WNK1: variants seen among roughly 807,000 people sequenced by gnomAD.
The protein encoded by WNK1 is WNK lysine deficient protein kinase 1, also known as serine/threonine-protein kinase WNK1.
WNK1 carries 38 observed loss-of-function variants against 222.8 expected under a neutral mutation model. That is an observed-to-expected ratio of 0.17 (90% CI 0.13 to 0.22). WNK1 has a LOEUF of 0.22. Ranked by LOEUF, WNK1 falls within the 10% of genes least tolerant of loss-of-function variation. The probability of loss-of-function intolerance (pLI) is 1.00; values close to 1 mark genes in which losing one functional copy is unlikely to be tolerated. For missense variants in WNK1, 2,348 were observed against 2,918.4 expected, an observed-to-expected ratio of 0.80 and a Z score of 4.50; for synonymous variants, 1,090 against 1,092.9, an observed-to-expected ratio of 1.00 and a Z score of 0.05.
intron 26 of WNK1, chr12:901,511 T>G (rs1955256377): frequency 8.1e-7 from 1 of 1,236,830 alleles, no homozygotes; most frequent in Non-Finnish European, 1.1e-6. Context: ...TGTAGTTGTG[T>G]TCTGTCTCTT....
In WNK1 at chr12:884,130, C is replaced by T. The variant is rs1472734385; in HGVS notation, c.3731C>T (p.Thr1244Ile). 1 of 1,614,142 alleles carries T rather than the reference C, an allele frequency of 6.2e-7. No individual in the cohort carries two copies. The change falls in exon 18 of 28, where the codon ACC (threonine) becomes ATC (isoleucine). Residue 1244 changes from threonine to isoleucine, a missense_variant. Physicochemically the swap from Thr to Ile is moderately conservative, Grantham distance 89. Transcript: ENST00000315939. The surrounding 1 kb of genome is among the most constrained non-coding windows in gnomAD (Gnocchi z 5.6). Reference sequence around the variant, plus strand: ...GTTTGTTTTTGACCAGGCATTCCTACCAGTTCTTTAACTCAAGTTGTTCAT... The same window carrying T: ...GTTTGTTTTTGACCAGGCATTCCTATCAGTTCTTTAACTCAAGTTGTTCAT... ...SSMPQQIGIPTSSLTQVVHSA... is the reference protein window; with the variant it reads ...SSMPQQIGIPISSLTQVVHSA...
In WNK1 at chr12:857,181, T is replaced by G; in HGVS notation, c.1332T>G (p.Phe444Leu). 6.2e-7 allele frequency: 1 copy of G among 1,614,204 alleles called. No homozygotes were observed. The highest frequency in any genetic ancestry group is 8.5e-7 in the Non-Finnish European group (1 of 1,180,028). Residue 444 changes from phenylalanine (F) to leucine (L), a missense_variant, in exon 5 of 28, where the codon TTT (phenylalanine) becomes TTG (leucine). Physicochemically the swap from Phe to Leu is conservative, Grantham distance 22. Around this residue, in one of 13 missense-constraint regions of WNK1, gnomAD observed 37 missense variants for 102.8 expected, o/e 0.36. Transcript: ENST00000315939. ...RVTSGVKPASFDKVAIPEVKE... is the reference protein window; with the variant it reads ...RVTSGVKPASLDKVAIPEVKE... The stretch of plus-strand genomic sequence containing the variant: ...TTCAGGGGGTGAAGCCAGCCAGTTT[T>G]GACAAAGTAGCAATTCCTGAAGTGA...
intron 2 of WNK1, among the ~76,000 whole-genome samples, chr12:814,196 G>T (rs765283314): frequency 4.0e-5 from 6 of 151,498 alleles, no homozygotes; most frequent in African/African-American, 1.5e-4. Context: ...GGGCATGGTG[G>T]CGTGCACCTG....
chr12:778,321 T>C (rs750848841), intron 1 of WNK1, among the ~76,000 whole-genome samples: 10 of 152,050 alleles, frequency 6.6e-5, no homozygotes, highest in Admixed American at 1.3e-4. Flanking sequence ...AATTTTTTTT[T>C]CGTCTTTTCC....
intron 3 of WNK1, 90 bp from the exon 4 acceptor site, chr12:829,913 C>T (rs1948663885): frequency 7.7e-6 from 11 of 1,419,684 alleles, no homozygotes; most frequent in Non-Finnish European, 1.1e-5. Context: ...TTTCTTCTCT[C>T]TCACAGGTCA....
At chr12:898,482 CA>C (rs374726378) in intron 25 of WNK1, among the ~76,000 whole-genome samples, 17,154 of 76,754 alleles carry the variant, frequency 0.22, 903 homozygotes, top group East Asian at 0.46. Context: ...GACTCTGTCT[CA>C]AAAAAAAAAA....
At chr12:897,092 G>A (rs1954816652) in intron 24 of WNK1, among the ~76,000 whole-genome samples, 1 of 151,984 alleles carries the variant, frequency 6.6e-6, no homozygotes, top group South Asian at 2.1e-4. Context: ...ATAGCATATT[G>A]TATCACTATT....
intron 9 of WNK1, among the ~76,000 whole-genome samples, chr12:875,083 G>A (rs1477909366): frequency 2.0e-5 from 3 of 152,074 alleles, no homozygotes; most frequent in Admixed American, 2.0e-4. Flanking sequence ...AGAAAAATAG[G>A]GTACAAAAAC....
chr12:791,400 C>T (rs1428764408), intron 1 of WNK1, among the ~76,000 whole-genome samples: 3 of 151,888 alleles, frequency 2.0e-5, no homozygotes, highest in East Asian at 1.9e-4. Flanking sequence ...AAATAATGAT[C>T]GTAAAGTGCG....
chr12:889,142 C>T lies in WNK1; in HGVS notation c.5367C>T (p.Ser1789=). ...PPFPGPSLTQ[S]QQPLEDLDAQ... ...TTACTGTGATTGTTTTCATTCAGTC[C>T]CAGCAACCTCTAGAGGATCTTGATG... The change falls in exon 21 of 28, where the codon TCC becomes TCT. Residue 1789 remains serine, a splice_region_variant and synonymous_variant. Coordinates refer to ENST00000315939, the MANE Select transcript of WNK1 (RefSeq NM_018979.4). 1 of 1,613,884 alleles carries T rather than the reference C, an allele frequency of 6.2e-7. No individual in the cohort carries two copies. The highest frequency in any genetic ancestry group is 8.5e-7 in the Non-Finnish European group (1 of 1,179,888).
chr12:796,308 C>G (rs1197198350), intron 1 of WNK1, among the ~76,000 whole-genome samples: 3 of 152,042 alleles, frequency 2.0e-5, no homozygotes, highest in Non-Finnish European at 2.9e-5. Context: ...TTCTTAATTC[C>G]TTTATTCCAT....
In WNK1 at chr12:862,207, G is replaced by A; in HGVS notation, c.2076G>A (p.Gly692=). The A allele has an allele frequency of 1.2e-6, 2 of 1,614,056 alleles. No individual in the cohort carries two copies. Among genetic ancestry groups the A allele is most frequent in the African/African-American group, 1.3e-5 (1 of 75,002 alleles). Residue 692 remains glycine, a synonymous_variant, in exon 8 of 28, where the codon GGG becomes GGA. Coordinates refer to ENST00000315939, the MANE Select transcript of WNK1 (RefSeq NM_018979.4). The part of the protein sequence containing the change: ...EQAHSTGTVP[G]HIPSTVQAQS... Reference sequence around the variant, plus strand: ...CACATTCTACAGGCACAGTCCCAGGGCATATACCTTCTACTGTCCAAGCAC... The same window carrying A: ...CACATTCTACAGGCACAGTCCCAGGACATATACCTTCTACTGTCCAAGCAC...
intron 12 of WNK1, among the ~76,000 whole-genome samples, chr12:881,277 T>C (rs1474190664): frequency 1.3e-5 from 2 of 152,216 alleles, no homozygotes; most frequent in Non-Finnish European, 2.9e-5. Flanking sequence ...TTCTTGTCCT[T>C]TCACAAACTT....
At chr12:802,019 T>A (rs1427849832) in intron 1 of WNK1, among the ~76,000 whole-genome samples, 1 of 152,154 alleles carries the variant, frequency 6.6e-6, no homozygotes, top group Non-Finnish European at 1.5e-5. Flanking sequence ...TCACAGTTTT[T>A]CTGCATGTAA....
At chr12:810,663 G>C (rs1415806306) in intron 1 of WNK1, among the ~76,000 whole-genome samples, 1 of 152,056 alleles carries the variant, frequency 6.6e-6, no homozygotes, top group Non-Finnish European at 1.5e-5. Context: ...AAAATATGAG[G>C]GTAAAGAGAG....
At chr12:869,261 A>G in intron 8 of WNK1, 1 of 1,025,652 alleles carries the variant, frequency 9.7e-7, no homozygotes, top group South Asian at 1.5e-5. Flanking sequence ...TGTGAACTAC[A>G]TATATGCATT....
chr12:797,656 ACTAT>A (rs1945442053), intron 1 of WNK1, among the ~76,000 whole-genome samples: 1 of 152,080 alleles, frequency 6.6e-6, no homozygotes. Flanking sequence ...TCTTAAAATC[ACTAT>A]CTGGCCAGGC....
At chr12:786,356 T>C (rs925589459) in intron 1 of WNK1, among the ~76,000 whole-genome samples, 1 of 152,240 alleles carries the variant, frequency 6.6e-6, no homozygotes, top group Non-Finnish European at 1.5e-5. Flanking sequence ...ATTGTACTTT[T>C]TATCAATATA....
At chr12:846,742 CAG>C (rs950524072) in intron 4 of WNK1, among the ~76,000 whole-genome samples, 5 of 152,120 alleles carry the variant, frequency 3.3e-5, no homozygotes, top group South Asian at 2.1e-4. Context: ...TGGGAAAAAA[CAG>C]AACTAAAGCC....
Sources: allele counts gnomAD v4.1 joint callset (sites outside exome capture counted in the v4.1 genomes callset), GRCh38; gene constraint gnomAD v4.1.1; regional missense constraint gnomAD v4.1.1; non-coding constraint Gnocchi (gnomAD v3.1); transcripts MANE v1.5; gene names NCBI Gene and HGNC (gene_info 2026-07-23, HGNC 2026-07-21).